The following CAMSAP1 variants were observed in gnomAD, a reference collection of about 807,000 sequenced individuals.
CAMSAP1 encodes the protein calmodulin-regulated spectrin-associated protein 1.
CAMSAP1 carries 58 observed loss-of-function variants against 143.5 expected under a neutral mutation model. The ratio of observed to expected loss-of-function variants is 0.40; its 90% CI spans 0.33 to 0.50. The LOEUF (loss-of-function observed/expected upper bound fraction) is 0.50, where lower values mean the gene tolerates loss of function less well. CAMSAP1 is among the 20% of genes least tolerant of loss of function. The pLI, the probability that CAMSAP1 is intolerant of heterozygous loss-of-function variation, is 0.45. For synonymous variants in CAMSAP1, 945 were observed against 859.3 expected (o/e 1.10, Z -1.74); for missense variants, 1,969 against 2,115.7 (o/e 0.93, Z 1.36).
At chr9:135,847,061 C>T (rs923103352) in intron 7 of CAMSAP1, among the ~76,000 whole-genome samples, 1 of 152,064 alleles carries the variant, frequency 6.6e-6, no homozygotes, top group African/African-American at 2.4e-5. Flanking sequence ...AATCATCCTA[C>T]TATAGGCCGG....
At chr9:135,867,475 C>CCCCCT (rs1491489651) in intron 3 of CAMSAP1, among the ~76,000 whole-genome samples, 14,814 of 144,580 alleles carry the variant, frequency 0.1, 1,081 homozygotes, top group Non-Finnish European at 0.15. Context: ...CAAGACCCCC[C>CCCCCT]TCTTTTTTTT....
chr9:135,904,573 T>C (rs185663237), intron 1 of CAMSAP1, among the ~76,000 whole-genome samples: 200 of 151,864 alleles, frequency 1.3e-3, no homozygotes, highest in African/African-American at 4.5e-3. Context: ...GAATTGTAAG[T>C]ATAAATTACC....
chr9:135,838,870 T>C (rs1472313578), intron 7 of CAMSAP1, among the ~76,000 whole-genome samples: 1 of 145,870 alleles, frequency 6.9e-6, no homozygotes, highest in Non-Finnish European at 1.5e-5. Flanking sequence ...TAGCCACACG[T>C]TCGCCACGTA....
intron 7 of CAMSAP1, among the ~76,000 whole-genome samples, chr9:135,842,206 C>CA: frequency 6.6e-6 from 1 of 152,204 alleles, no homozygotes; most frequent in Non-Finnish European, 1.5e-5. Flanking sequence ...GAAATATACA[C>CA]AAGTATCAGT....
At chr9:135,836,059 T>G (rs1450812033) in intron 7 of CAMSAP1, 5 of 957,020 alleles carry the variant, frequency 5.2e-6, no homozygotes, top group Non-Finnish European at 6.2e-6. Context: ...TTTTCAGAGC[T>G]TCTCTTATCC....
chr9:135,865,454 C>T (rs1050537507), intron 4 of CAMSAP1: 31 of 1,323,798 alleles, frequency 2.3e-5, no homozygotes, highest in Middle Eastern at 3.6e-4. Flanking sequence ...TTCCCCACGG[C>T]GTTTACACGG....
At chr9:135,868,248 C>T (rs192445186) in intron 3 of CAMSAP1, among the ~76,000 whole-genome samples, 184 of 152,094 alleles carry the variant, frequency 1.2e-3, no homozygotes, top group African/African-American at 4.2e-3. Flanking sequence ...AAATCTCTAC[C>T]TTATAGTACA....
intron 3 of CAMSAP1, among the ~76,000 whole-genome samples, chr9:135,880,842 G>T (rs918424120): frequency 6.6e-6 from 1 of 152,114 alleles, no homozygotes; most frequent in African/African-American, 2.4e-5. Flanking sequence ...CTCCGGTAAG[G>T]TAACCTTATA....
chr9:135,883,120 G>T (rs1294450578), intron 1 of CAMSAP1, 42 bp from the exon 2 acceptor site: 1 of 1,544,904 alleles, frequency 6.5e-7, no homozygotes, highest in Non-Finnish European at 8.7e-7. Context: ...CCACACACAA[G>T]ACCCAAAGGA....
chr9:135,815,131 T>C lies in CAMSAP1; in HGVS notation c.4472A>G (p.Lys1491Arg), dbSNP rs770708163. 2 of 1,613,938 alleles carry C rather than the reference T, an allele frequency of 1.2e-6. No individual in the cohort carries two copies. Among genetic ancestry groups the C allele is most frequent in the Admixed American group, 3.3e-5 (2 of 60,024 alleles). Residue 1491 changes from lysine to arginine, a missense_variant, in exon 16 of 17, where the codon AAA becomes AGA. Lys to Arg is a conservative substitution (Grantham distance 26, BLOSUM62 2). Transcript: ENST00000389532. Reference sequence around the variant, plus strand: ...GGAATTCTTGTGGGGTTCGTTCACTTTTCCAGCCAGGCAGCAATGGGATAT... The same window carrying C: ...GGAATTCTTGTGGGGTTCGTTCACTCTTCCAGCCAGGCAGCAATGGGATAT... The part of the protein sequence containing the change: ...NAISHCCLAG[K>R]VNEPHKNSIL...
In CAMSAP1 at chr9:135,818,932, G is replaced by A; in HGVS notation, c.3959+78C>T. 6.4e-7 allele frequency: 1 copy of A among 1,551,224 alleles called. No homozygotes were observed. Among genetic ancestry groups the A allele is most frequent in the South Asian group, 1.2e-5 (1 of 85,140 alleles). On this transcript the variant is annotated intron_variant, in intron 12 of 16. Coordinates refer to ENST00000389532, the MANE Select transcript of CAMSAP1 (RefSeq NM_015447.4). This position sits in a 1 kb window ranked among gnomAD's most constrained non-coding sequence, Gnocchi z 7.7. Reference sequence around the variant, plus strand: ...CTCATTGCCATGGTCCATGCTCAGTGCCAGCAACGGGACCGGGGCCGCCAG... The same window carrying A: ...CTCATTGCCATGGTCCATGCTCAGTACCAGCAACGGGACCGGGGCCGCCAG...
intron 7 of CAMSAP1, among the ~76,000 whole-genome samples, chr9:135,847,782 T>C (rs140069599): frequency 0.012 from 1,197 of 103,984 alleles, 31 homozygotes; most frequent in African/African-American, 0.045. Flanking sequence ...CAAACCACCA[T>C]GGCACGTGTA....
intron 3 of CAMSAP1, among the ~76,000 whole-genome samples, chr9:135,876,578 C>T (rs1026837873): frequency 1.3e-5 from 2 of 152,004 alleles, no homozygotes; most frequent in South Asian, 4.1e-4. Flanking sequence ...ATCTTGCTAG[C>T]GGGAGTTCTA....
At chr9:135,845,246 A>G (rs1299319940) in intron 7 of CAMSAP1, among the ~76,000 whole-genome samples, 1 of 152,244 alleles carries the variant, frequency 6.6e-6, no homozygotes, top group Admixed American at 6.5e-5. Flanking sequence ...CATCACATAA[A>G]CAGAGCCAAT....
intron 1 of CAMSAP1, among the ~76,000 whole-genome samples, chr9:135,889,454 A>G (rs1171742986): frequency 1.3e-5 from 2 of 152,254 alleles, no homozygotes; most frequent in Non-Finnish European, 2.9e-5. Flanking sequence ...CAAAGTGACC[A>G]TGGAACAATG....
At chr9:135,866,620 C>T in intron 3 of CAMSAP1, 84 bp from the exon 4 acceptor site, 1 of 709,750 alleles carries the variant, frequency 1.4e-6, no homozygotes, top group South Asian at 1.5e-5. Flanking sequence ...GAGACCCCCA[C>T]TTCACCTGAT....
At chr9:135,861,143 T>C (rs1477811226) in intron 5 of CAMSAP1, among the ~76,000 whole-genome samples, 1 of 152,022 alleles carries the variant, frequency 6.6e-6, no homozygotes, top group African/African-American at 2.4e-5. Flanking sequence ...CTAGTCCTCT[T>C]CCCAAAAGGT....
rs1835015015 is a variant in CAMSAP1 at position 135,810,697 on chromosome 9, A to G, written c.*612T>C. ...AAACTTTTTCTGAGCAGCAAGGGAT[A>G]AGAATTTTTTTTCAGAAATCTTAGA... On this transcript the variant is annotated 3_prime_UTR_variant, in exon 17 of 17. Coordinates refer to ENST00000389532, the MANE Select transcript of CAMSAP1 (RefSeq NM_015447.4). 6.5e-6 allele frequency: 1 copy of G among 152,684 alleles called. No homozygotes were observed. The highest frequency in any genetic ancestry group is 1.5e-5 in the Non-Finnish European group (1 of 68,076). 9.5% of individuals were successfully genotyped at this position (152,684 alleles called of 1,614,324 possible).
intron 1 of CAMSAP1, among the ~76,000 whole-genome samples, chr9:135,905,924 C>T (rs1349454482): frequency 1.3e-5 from 2 of 152,220 alleles, no homozygotes; most frequent in Non-Finnish European, 2.9e-5. Flanking sequence ...AGTGTTTCTT[C>T]CTCATTACAA....
Sources: gnomAD v4.1 joint callset for allele counts (sites outside exome capture counted in the v4.1 genomes callset) on GRCh38, gnomAD v4.1.1 for gene constraint, Gnocchi (gnomAD v3.1) non-coding constraint, MANE v1.5 for transcripts, NCBI Gene and HGNC (gene_info 2026-07-23, HGNC 2026-07-21) for gene names.